Variants in PCDHA2 observed in about 807,000 individuals in gnomAD.
PCDHA2 encodes the protein protocadherin alpha-2.
In PCDHA2, 58 loss-of-function variants were observed where a neutral mutation model predicts 66.0. That is an observed-to-expected ratio of 0.88 (90% CI 0.71 to 1.09). The LOEUF is 1.09. Among genes scored for constraint, PCDHA2 ranks in the 50% least tolerant of loss-of-function variants. The pLI, the probability that PCDHA2 is intolerant of heterozygous loss-of-function variation, is 0.00. For synonymous variants in PCDHA2, 634 were observed against 554.0 expected, an observed-to-expected ratio of 1.14 and a Z score of -2.03; for missense variants, 1,267 against 1,242.3, an observed-to-expected ratio of 1.02 and a Z score of -0.30.
chr5:140,870,455 C>A, intron 1 of PCDHA2: 6 of 1,614,246 alleles, frequency 3.7e-6, no homozygotes, highest in Non-Finnish European at 5.1e-6. Context: ...AACGACAATG[C>A]GCCTGCGTTC....
intron 1 of PCDHA2, chr5:140,858,078 C>T (rs782110139): frequency 6.3e-7 from 1 of 1,597,798 alleles, no homozygotes; most frequent in South Asian, 1.1e-5. Context: ...GCACCCAAGG[C>T]CTCGTCGCGG....
intron 1 of PCDHA2, chr5:140,856,830 T>C (rs1554149191): frequency 2.5e-6 from 4 of 1,592,726 alleles, no homozygotes; most frequent in Non-Finnish European, 3.4e-6. Context: ...ACATTAGTAA[T>C]ACGGCTCAAC....
chr5:140,810,036 T>C (rs1184340137), intron 1 of PCDHA2: 7 of 154,932 alleles, frequency 4.5e-5, no homozygotes, highest in Admixed American at 4.5e-4. Flanking sequence ...ACATTTGCCT[T>C]TTATAACTGT....
chr5:140,819,782 A>G (rs1326657142), intron 1 of PCDHA2, among the ~76,000 whole-genome samples: 1 of 152,108 alleles, frequency 6.6e-6, no homozygotes, highest in Non-Finnish European at 1.5e-5. Flanking sequence ...CTATATAAGT[A>G]CATGAGATAT....
chr5:140,943,605 CTT>C (rs1232110768), intron 1 of PCDHA2, among the ~76,000 whole-genome samples: 5 of 152,064 alleles, frequency 3.3e-5, no homozygotes, highest in African/African-American at 1.2e-4. Context: ...TAAATATAGA[CTT>C]TGATTCATCT....
chr5:140,968,492 G>A (rs2096250539), intron 1 of PCDHA2: 2 of 1,614,074 alleles, frequency 1.2e-6, no homozygotes, highest in African/African-American at 1.3e-5. Flanking sequence ...GAATGACCAT[G>A]CCCCTCACAT....
intron 3 of PCDHA2, among the ~76,000 whole-genome samples, chr5:140,991,989 G>A (rs782528431): frequency 1.3e-5 from 2 of 151,180 alleles, no homozygotes; most frequent in African/African-American, 4.9e-5. Flanking sequence ...CCTACCACCC[G>A]GTCTTTCATG....
rs1554119587 is a variant in PCDHA2, at chr5:140,795,844, A to G, written c.880A>G (p.Thr294Ala). The G allele has an allele frequency of 1.9e-6, 3 of 1,613,858 alleles. No homozygotes were observed. In the Admixed American group the frequency reaches 5.0e-5, roughly 27 times the overall value. ...DVSSTIQTKF[T>A]IDPISGEIRT... is the part of the protein sequence containing the mutation. ...GTCCTCCACTATACAGACTAAGTTT[A>G]CCATAGATCCCATCTCAGGGGAAAT... is the stretch of plus-strand genomic sequence containing the variant. Residue 294 changes from threonine to alanine, a missense_variant, in exon 1 of 4, where the codon ACC becomes GCC. Physicochemically the swap from Thr to Ala is moderately conservative, Grantham distance 58. Coordinates refer to ENST00000526136, the MANE Select transcript of PCDHA2 (RefSeq NM_018905.3).
At chr5:140,864,577 A>G (rs1554158987) in intron 1 of PCDHA2, 2 of 152,198 alleles carry the variant, frequency 1.3e-5, no homozygotes, top group African/African-American at 4.8e-5. Context: ...TTGTCTTCAC[A>G]ATCTTCAACT....
At chr5:140,882,000 G>A in intron 1 of PCDHA2, 1 of 477,842 alleles carries the variant, frequency 2.1e-6, no homozygotes, top group Non-Finnish European at 3.5e-6. Flanking sequence ...GGAAATGCAA[G>A]GGGCAAAAAA....
chr5:140,954,830 T>TG (rs2095095109), intron 1 of PCDHA2, among the ~76,000 whole-genome samples: 1 of 152,220 alleles, frequency 6.6e-6, no homozygotes, highest in Admixed American at 6.5e-5. Flanking sequence ...GGCACTTTTG[T>TG]CATGAAATCT....
chr5:140,800,936 A>T, intron 1 of PCDHA2: 5 of 916,912 alleles, frequency 5.5e-6, no homozygotes, highest in Non-Finnish European at 7.2e-6. Flanking sequence ...AAATTTTGGG[A>T]AAGTTCAAAC....
chr5:140,881,369 T>C (rs2058687376), intron 1 of PCDHA2: 2 of 985,186 alleles, frequency 2.0e-6, no homozygotes, highest in Non-Finnish European at 2.4e-6. Flanking sequence ...TTCGTATGAA[T>C]TGCAGCCGGC....
rs1554135944 is a variant in PCDHA2 at position 140,836,422 on chromosome 5, C to G, written c.2388+39070C>G. The G allele has an allele frequency of 1.2e-6, 2 of 1,613,670 alleles. No individual in the cohort carries two copies. The highest frequency in any genetic ancestry group is 2.7e-5 in the African/African-American group (2 of 74,856). On this transcript the variant is annotated intron_variant, in intron 1 of 3. Transcript: ENST00000526136. ...AGCGGCCAGGCACCAAAGGCGTCGT[C>G]GCGGGCATCGTTGGGCATTGCAGGC...
intron 1 of PCDHA2, chr5:140,813,571 G>A (rs1008971816): frequency 6.6e-6 from 1 of 152,176 alleles, no homozygotes; most frequent in Non-Finnish European, 1.5e-5. Flanking sequence ...TGGAGACTGC[G>A]GGGCTGGAAA....
At chr5:140,814,506 A>G (rs1428640879) in intron 1 of PCDHA2, 1 of 151,872 alleles carries the variant, frequency 6.6e-6, no homozygotes, top group African/African-American at 2.4e-5. Flanking sequence ...ACTGTAAAAT[A>G]CCACTAAAAA....
Position 140,857,729 on chromosome 5 carries a change from G to T in PCDHA2, c.2388+60377G>T, listed in dbSNP as rs782508750. 3 of 1,597,292 alleles carry T rather than the reference G, an allele frequency of 1.9e-6. No homozygotes were observed. In the East Asian group the frequency reaches 6.7e-5, roughly 36 times the overall value. On this transcript the variant is annotated intron_variant, in intron 1 of 3. Coordinates refer to ENST00000526136, the MANE Select transcript of PCDHA2 (RefSeq NM_018905.3). ...GTTCGTGCTGGACGAGAACGACAACGCTCCCGCGCTGCTGGCGTCTCCCGC... is the reference window on the plus strand; with the variant it reads ...GTTCGTGCTGGACGAGAACGACAACTCTCCCGCGCTGCTGGCGTCTCCCGC...
intron 1 of PCDHA2, among the ~76,000 whole-genome samples, chr5:140,855,144 C>A (rs573799171): frequency 1.3e-5 from 2 of 149,748 alleles, no homozygotes; most frequent in South Asian, 4.2e-4. Context: ...CCTGATGAGC[C>A]AAATTTGGTA....
intron 1 of PCDHA2, chr5:140,843,282 A>T (rs2150356425): frequency 6.3e-6 from 10 of 1,595,910 alleles, no homozygotes; most frequent in Non-Finnish European, 7.7e-6. Context: ...GTGAAGGATC[A>T]TGGTGAACCT....
Sources: gnomAD v4.1 joint callset for allele counts (sites outside exome capture counted in the v4.1 genomes callset) on GRCh38, gnomAD v4.1.1 for gene constraint, MANE v1.5 for transcripts, NCBI Gene and HGNC (gene_info 2026-07-23, HGNC 2026-07-21) for gene names.